GPR39: variants seen among roughly 807,000 people sequenced by gnomAD.
GPR39 encodes zinc sensing receptor.
In GPR39, 23 loss-of-function variants were observed where a neutral mutation model predicts 18.4. That is an observed-to-expected ratio of 1.25 (90% CI 0.90 to 1.77). The LOEUF (loss-of-function observed/expected upper bound fraction) is 1.77, where lower values mean the gene tolerates loss of function less well. GPR39 is among the 40% of genes most tolerant of loss of function. The probability of loss-of-function intolerance (pLI) is 0.00; values close to 1 mark genes in which losing one functional copy is unlikely to be tolerated. For missense variants in GPR39, 647 were observed against 602.4 expected, an observed-to-expected ratio of 1.07 and a Z score of -0.78; for synonymous variants, 280 against 257.9, an observed-to-expected ratio of 1.09 and a Z score of -0.82.
intron 1 of GPR39, among the ~76,000 whole-genome samples, chr2:132,581,330 T>C (rs545115277): frequency 1.7e-4 from 22 of 126,838 alleles, no homozygotes; most frequent in African/African-American, 3.6e-4. Flanking sequence ...GGGGGAACGA[T>C]AGTGACTTTT....
At chr2:132,447,939 T>G (rs1291182563) in intron 1 of GPR39, among the ~76,000 whole-genome samples, 2 of 152,164 alleles carry the variant, frequency 1.3e-5, no homozygotes, top group African/African-American at 2.4e-5. Flanking sequence ...GCTTTGGTGG[T>G]GTCTTGGAAC....
At chr2:132,546,466 C>A (rs998291889) in intron 1 of GPR39, among the ~76,000 whole-genome samples, 1 of 152,110 alleles carries the variant, frequency 6.6e-6, no homozygotes, top group Non-Finnish European at 1.5e-5. Flanking sequence ...AAGACTAATC[C>A]TGAGACCGTA....
intron 1 of GPR39, among the ~76,000 whole-genome samples, chr2:132,424,808 T>A (rs569866344): frequency 6.6e-6 from 1 of 152,168 alleles, no homozygotes; most frequent in Non-Finnish European, 1.5e-5. Flanking sequence ...CAACCCTTCA[T>A]TGGAACACAG....
Position 132,557,739 on chromosome 2 carries a change from C to T in GPR39, c.857-87362C>T, listed in dbSNP as rs118184412. Reference sequence around the variant, plus strand: ...TGGGGGAGAGAGACCCTAGGGTTGTCGGTTAACTTTACCACATATCTTCTC... The same window carrying T: ...TGGGGGAGAGAGACCCTAGGGTTGTTGGTTAACTTTACCACATATCTTCTC... On this transcript the variant is annotated intron_variant, in intron 1 of 1. Coordinates refer to ENST00000329321, the MANE Select transcript of GPR39 (RefSeq NM_001508.3). Among the ~76,000 whole-genome samples, 369 of 152,170 alleles carry T rather than the reference C, an allele frequency of 2.4e-3. 8 individuals carry two copies. The East Asian group carries it at 0.058, about 24-fold the overall frequency.
Position 132,563,258 on chromosome 2 carries a change from A to G in GPR39, c.857-81843A>G, listed in dbSNP as rs561314494. 2.6e-5 allele frequency among the ~76,000 whole-genome samples: 4 copies of G among 152,326 alleles called. No homozygotes were observed. In the South Asian group the frequency reaches 6.2e-4, roughly 24 times the overall value. On this transcript the variant is annotated intron_variant, in intron 1 of 1. Transcript: ENST00000329321. ...ATTATACTCACAGCCTCCTAATTTT[A>G]TCAAAGGCCTATCAGCCACAGTATT...
At chr2:132,472,872 C>G (rs1175979103) in intron 1 of GPR39, among the ~76,000 whole-genome samples, 1 of 151,996 alleles carries the variant, frequency 6.6e-6, no homozygotes, top group Non-Finnish European at 1.5e-5. Context: ...CTCAGTAACA[C>G]AAGGGAGCTA....
chr2:132,512,628 G>T (rs1679261206), intron 1 of GPR39, among the ~76,000 whole-genome samples: 1 of 152,170 alleles, frequency 6.6e-6, no homozygotes. Flanking sequence ...GATCTCATCT[G>T]TACTAGGGAC....
At chr2:132,440,479 T>C (rs922829773) in intron 1 of GPR39, among the ~76,000 whole-genome samples, 3 of 152,028 alleles carry the variant, frequency 2.0e-5, no homozygotes. Flanking sequence ...AGGGGAAGGA[T>C]GTATAAGTTG....
At chr2:132,574,288 G>T (rs1021110741) in intron 1 of GPR39, among the ~76,000 whole-genome samples, 3 of 152,268 alleles carry the variant, frequency 2.0e-5, no homozygotes, top group African/African-American at 4.8e-5. Context: ...TAGGTAAATA[G>T]CTTCTCTCTA....
intron 1 of GPR39, among the ~76,000 whole-genome samples, chr2:132,628,982 G>A (rs1285338139): frequency 6.6e-6 from 1 of 152,210 alleles, no homozygotes; most frequent in African/African-American, 2.4e-5. Flanking sequence ...TCATGTGGTT[G>A]TCCTGTCTTG....
intron 1 of GPR39, among the ~76,000 whole-genome samples, chr2:132,587,228 A>G (rs1259501619): frequency 6.6e-6 from 1 of 152,200 alleles, no homozygotes; most frequent in African/African-American, 2.4e-5. Context: ...CTTTCAGTGA[A>G]GTTGTGCAGT....
intron 1 of GPR39, among the ~76,000 whole-genome samples, chr2:132,428,314 T>C (rs915160765): frequency 2.0e-5 from 3 of 152,208 alleles, no homozygotes; most frequent in East Asian, 3.9e-4. Context: ...GTTTGTACCA[T>C]AGAGATCAAA....
At chr2:132,635,200 G>T (rs1272923600) in intron 1 of GPR39, among the ~76,000 whole-genome samples, 1 of 152,116 alleles carries the variant, frequency 6.6e-6, no homozygotes, top group African/African-American at 2.4e-5. Context: ...GGCTTCAAAT[G>T]GATTCCATAG....
At chr2:132,581,748 C>T (rs1159092397) in intron 1 of GPR39, among the ~76,000 whole-genome samples, 3 of 152,156 alleles carry the variant, frequency 2.0e-5, no homozygotes, top group Non-Finnish European at 4.4e-5. Context: ...TCTTCAGGGC[C>T]ACCCTCTGCA....
chr2:132,515,242 A>G (rs1679311442), intron 1 of GPR39, among the ~76,000 whole-genome samples: 2 of 152,210 alleles, frequency 1.3e-5, no homozygotes, highest in South Asian at 2.1e-4. Flanking sequence ...TCTAGTGACA[A>G]CCTGTGGACA....
At chr2:132,624,240 C>T (rs1282622720) in intron 1 of GPR39, among the ~76,000 whole-genome samples, 1 of 152,108 alleles carries the variant, frequency 6.6e-6, no homozygotes, top group East Asian at 1.9e-4. Context: ...CTTGTCTGTG[C>T]ATGTCTGTGT....
At chr2:132,434,312 A>G (rs1271266434) in intron 1 of GPR39, among the ~76,000 whole-genome samples, 4 of 152,218 alleles carry the variant, frequency 2.6e-5, no homozygotes, top group Non-Finnish European at 5.9e-5. Context: ...TGAGTCTTGA[A>G]GGGAAAAGAT....
At chr2:132,587,234 G>A (rs1034206996) in intron 1 of GPR39, among the ~76,000 whole-genome samples, 1 of 152,184 alleles carries the variant, frequency 6.6e-6, no homozygotes, top group African/African-American at 2.4e-5. Context: ...GTGAAGTTGT[G>A]CAGTTTAAAA....
chr2:132,600,128 TAAACA>T, intron 1 of GPR39, among the ~76,000 whole-genome samples: 1 of 152,282 alleles, frequency 6.6e-6, no homozygotes, highest in East Asian at 1.9e-4. Context: ...ACATGAATAT[TAAACA>T]AAATGTCCCT....
Sources: gnomAD v4.1 joint callset for allele counts (sites outside exome capture counted in the v4.1 genomes callset) on GRCh38, gnomAD v4.1.1 for gene constraint, MANE v1.5 for transcripts, NCBI Gene and HGNC (gene_info 2026-07-23, HGNC 2026-07-21) for gene names.